CSRNP3: variants seen among roughly 807,000 people sequenced by gnomAD.
The protein encoded by CSRNP3 is cysteine and serine rich nuclear protein 3.
CSRNP3 carries 12 observed loss-of-function variants against 48.0 expected under a neutral mutation model. The observed-to-expected ratio is 0.25, with a 90% confidence interval of 0.16 to 0.41. CSRNP3 has a LOEUF of 0.41. Ranked by LOEUF, CSRNP3 falls within the 10% of genes least tolerant of loss-of-function variation. CSRNP3 has a pLI of 1.00. For missense variants in CSRNP3, 580 were observed against 724.4 expected, an observed-to-expected ratio of 0.80 and a Z score of 2.29; for synonymous variants, 263 against 269.7, an observed-to-expected ratio of 0.98 and a Z score of 0.24.
intron 5 of CSRNP3, among the ~76,000 whole-genome samples, chr2:165,666,771 AAG>A (rs1281468456): frequency 6.8e-4 from 93 of 137,170 alleles, no homozygotes; most frequent in African/African-American, 2.4e-3. Flanking sequence ...GGAAGAAAGA[AAG>A]AGAAAGGAAG....
intron 5 of CSRNP3, among the ~76,000 whole-genome samples, chr2:165,658,515 C>T (rs1370860820): frequency 6.6e-6 from 1 of 152,044 alleles, no homozygotes; most frequent in Non-Finnish European, 1.5e-5. Context: ...GGTGACTAGG[C>T]AAAGAGGATT....
intron 4 of CSRNP3, among the ~76,000 whole-genome samples, chr2:165,601,341 C>T (rs1685911005): frequency 6.6e-6 from 1 of 152,140 alleles, no homozygotes. Context: ...AAAAGGAACA[C>T]ATTATGTCTC....
intron 5 of CSRNP3, among the ~76,000 whole-genome samples, chr2:165,658,943 G>C (rs1376756396): frequency 6.6e-6 from 1 of 152,180 alleles, no homozygotes; most frequent in African/African-American, 2.4e-5. Flanking sequence ...TGCCAGGAGG[G>C]AACACAGTGA....
At chr2:165,517,236 A>C (rs116134472) in intron 2 of CSRNP3, among the ~76,000 whole-genome samples, 1 of 152,022 alleles carries the variant, frequency 6.6e-6, no homozygotes, top group Non-Finnish European at 1.5e-5. Context: ...CATCTGTCTA[A>C]ATGGTTGCAC....
At chr2:165,614,600 C>T (rs373643936) in intron 4 of CSRNP3, among the ~76,000 whole-genome samples, 59 of 151,964 alleles carry the variant, frequency 3.9e-4, no homozygotes, top group African/African-American at 1.3e-3. Flanking sequence ...ATCTATGTTC[C>T]TTCTATATCT....
intron 1 of CSRNP3, among the ~76,000 whole-genome samples, chr2:165,478,983 C>T (rs1433748670): frequency 4.6e-5 from 7 of 152,124 alleles, no homozygotes; most frequent in African/African-American, 1.7e-4. Flanking sequence ...TATTTATTAA[C>T]TAAAGATAAA....
At chr2:165,579,773 G>A (rs1019795870) in intron 3 of CSRNP3, among the ~76,000 whole-genome samples, 9 of 152,038 alleles carry the variant, frequency 5.9e-5, no homozygotes, top group Admixed American at 2.0e-4. Context: ...AATTGATTTA[G>A]TCGCAACGTT....
chr2:165,596,135 A>ATTTT (rs11317294), intron 4 of CSRNP3, among the ~76,000 whole-genome samples: 2 of 120,516 alleles, frequency 1.7e-5, no homozygotes, highest in African/African-American at 6.1e-5. Flanking sequence ...TTTCTTTTTG[A>ATTTT]TTTTTTTTTT....
chr2:165,503,580 T>G (rs1191006203), intron 2 of CSRNP3, among the ~76,000 whole-genome samples: 1 of 151,984 alleles, frequency 6.6e-6, no homozygotes, highest in African/African-American at 2.4e-5. Context: ...ATTATTTAAA[T>G]TTTAGAAGAA....
chr2:165,475,592 C>A (rs1232110217), intron 1 of CSRNP3, among the ~76,000 whole-genome samples: 2 of 152,216 alleles, frequency 1.3e-5, no homozygotes, highest in Non-Finnish European at 2.9e-5. Flanking sequence ...ATGCCTAATA[C>A]AATGCCTGAT....
chr2:165,501,098 T>C (rs1000070540), intron 2 of CSRNP3, among the ~76,000 whole-genome samples: 2 of 152,116 alleles, frequency 1.3e-5, no homozygotes, highest in Non-Finnish European at 2.9e-5. Context: ...CAAGAACTCT[T>C]TACTTGCCAA....
chr2:165,612,048 A>G lies in CSRNP3; in HGVS notation c.148+16835A>G, dbSNP rs184624564. On this transcript the variant is annotated intron_variant, in intron 4 of 6. Transcript: ENST00000651982. Reference sequence around the variant, plus strand: ...TGCTCTTGCCTTTATCTTTTTTTCTATAAAAGTTACCTTTACATTGTCTAG... The same window carrying G: ...TGCTCTTGCCTTTATCTTTTTTTCTGTAAAAGTTACCTTTACATTGTCTAG... Among the ~76,000 whole-genome samples the G allele has an allele frequency of 2.0e-5, 3 of 152,132 alleles. No homozygotes were observed. In the East Asian group the frequency reaches 5.8e-4, roughly 29 times the overall value.
At chr2:165,515,223 G>C (rs1206605714) in intron 2 of CSRNP3, among the ~76,000 whole-genome samples, 2 of 151,668 alleles carry the variant, frequency 1.3e-5, no homozygotes, top group African/African-American at 4.8e-5. Context: ...TACTTGGGAG[G>C]CTGAGGCAGG....
intron 4 of CSRNP3, among the ~76,000 whole-genome samples, chr2:165,604,476 A>C (rs967950345): frequency 6.6e-6 from 1 of 152,216 alleles, no homozygotes; most frequent in Middle Eastern, 3.2e-3. Flanking sequence ...TTACAAGCTA[A>C]CTGTAATTTA....
At chr2:165,555,671 A>G (rs1390941632) in intron 3 of CSRNP3, among the ~76,000 whole-genome samples, 2 of 152,206 alleles carry the variant, frequency 1.3e-5, no homozygotes, top group Non-Finnish European at 2.9e-5. Flanking sequence ...CACTATCAAT[A>G]CAATTGGGCA....
At chr2:165,527,384 T>A (rs1442835097) in intron 3 of CSRNP3, among the ~76,000 whole-genome samples, 2 of 151,812 alleles carry the variant, frequency 1.3e-5, no homozygotes, top group African/African-American at 4.8e-5. Context: ...TTTTTGTATT[T>A]TTAGTAGAGA....
chr2:165,538,792 G>A (rs1684915950), intron 3 of CSRNP3, among the ~76,000 whole-genome samples: 2 of 151,802 alleles, frequency 1.3e-5, no homozygotes, highest in Admixed American at 1.3e-4. Flanking sequence ...TTTCTGGCAT[G>A]TAGCAATACA....
intron 3 of CSRNP3, among the ~76,000 whole-genome samples, chr2:165,592,016 C>A (rs1404317118): frequency 6.6e-6 from 1 of 152,202 alleles, no homozygotes; most frequent in African/African-American, 2.4e-5. Flanking sequence ...AAGCCACAAA[C>A]ACTCAATGTC....
rs1558968084 is a variant in CSRNP3, at chr2:165,666,933, A to AG, written c.408+8913_408+8914insG. 1.3e-4 allele frequency among the ~76,000 whole-genome samples: 6 copies of AG among 46,634 alleles called. 1 individual carries two copies. Among genetic ancestry groups the AG allele is most frequent in the Non-Finnish European group, 2.0e-4 (4 of 19,952 alleles). 30.6% of individuals were successfully genotyped at this position (46,634 alleles called of 152,430 possible). A position where few individuals can be genotyped will look rare whatever the true frequency, so the allele number is the denominator to read the frequency against. On this transcript the variant is annotated intron_variant, in intron 5 of 6. Coordinates refer to ENST00000651982, the MANE Select transcript of CSRNP3 (RefSeq NM_001172173.2). The stretch of plus-strand genomic sequence containing the variant: ...GGCGGAAGGAAGGGAGGAAAGAGAG[A>AG]AGAAGAAAGAAAGAGAGAGAGGAAG...
Sources: gnomAD v4.1 joint callset for allele counts (sites outside exome capture counted in the v4.1 genomes callset) on GRCh38, gnomAD v4.1.1 for gene constraint, MANE v1.5 for transcripts, NCBI Gene and HGNC (gene_info 2026-07-23, HGNC 2026-07-21) for gene names.